Variants in ERMP1 observed in about 807,000 individuals in gnomAD.
ERMP1 encodes the protein endoplasmic reticulum metallopeptidase 1.
In ERMP1, 86 loss-of-function variants were observed where a neutral mutation model predicts 92.0. The observed-to-expected ratio is 0.93, with a 90% CI of 0.79 to 1.12. The LOEUF (loss-of-function observed/expected upper bound fraction) is 1.12. ERMP1 is among the 50% of genes most tolerant of loss of function. The pLI is 0.00. For missense variants in ERMP1, 1,342 were observed against 1,116.3 expected (o/e 1.20, Z -2.88); for synonymous variants, 530 against 412.8 (o/e 1.28, Z -3.44).
intron 13 of ERMP1, among the ~76,000 whole-genome samples, chr9:5,791,981 G>T (rs944648443): frequency 1.2e-4 from 18 of 152,124 alleles, no homozygotes; most frequent in African/African-American, 4.3e-4. Flanking sequence ...TCACTTAATT[G>T]GAAATGATGG....
At chr9:5,795,100 T>TAGA (rs1828360527) in intron 13 of ERMP1, among the ~76,000 whole-genome samples, 1 of 152,056 alleles carries the variant, frequency 6.6e-6, no homozygotes, top group African/African-American at 2.4e-5. Flanking sequence ...TACTTGAAAA[T>TAGA]CAATTAATGT....
intron 4 of ERMP1, among the ~76,000 whole-genome samples, chr9:5,816,989 C>A (rs1829335081): frequency 6.6e-6 from 1 of 151,624 alleles, no homozygotes; most frequent in Non-Finnish European, 1.5e-5. Flanking sequence ...AGCTCTGCCT[C>A]CCGGGTTCAC....
intron 4 of ERMP1, among the ~76,000 whole-genome samples, chr9:5,817,798 C>T (rs886208226): frequency 2.0e-5 from 3 of 151,980 alleles, no homozygotes; most frequent in Admixed American, 2.0e-4. Context: ...AGACCCACAG[C>T]ATCCTTCCAC....
At chr9:5,822,354 A>T (rs1370856618) in intron 4 of ERMP1, among the ~76,000 whole-genome samples, 1 of 152,208 alleles carries the variant, frequency 6.6e-6, no homozygotes, top group Non-Finnish European at 1.5e-5. Flanking sequence ...TAGTTAGAGT[A>T]AGAATAAAGC....
intron 11 of ERMP1, among the ~76,000 whole-genome samples, chr9:5,800,000 C>G (rs1389930588): frequency 6.6e-6 from 1 of 152,124 alleles, no homozygotes; most frequent in Non-Finnish European, 1.5e-5. Flanking sequence ...TTTTCAAAAC[C>G]TCCTAAGTGT....
intron 5 of ERMP1, among the ~76,000 whole-genome samples, chr9:5,863,467 C>T (rs1830561917): frequency 6.6e-6 from 1 of 152,146 alleles, no homozygotes; most frequent in South Asian, 2.1e-4. Context: ...ATGATAAGAA[C>T]CAGAGGGCAA....
chr9:5,859,406 C>T (rs10732361), intron 6 of ERMP1, among the ~76,000 whole-genome samples: 85,200 of 151,944 alleles, frequency 0.56, 25,024 homozygotes, highest in South Asian at 0.69. Flanking sequence ...TCCATAGTTT[C>T]AGATAAGTAA....
intron 3 of ERMP1, 76 bp downstream of exon 3, chr9:5,824,999 AAAAATGCATTTACTATT>A: frequency 7.6e-7 from 1 of 1,314,742 alleles, no homozygotes; most frequent in Non-Finnish European, 1.1e-6. Context: ...AGGAGTCATA[AAAAATGCATTTACTATT>A]TAGTAAATAA....
chr9:5,832,676 G>A lies in ERMP1; in HGVS notation c.338+14C>T, dbSNP rs997570450. 2.5e-5 allele frequency: 36 copies of A among 1,413,344 alleles called. No homozygotes were observed. Among genetic ancestry groups the A allele is most frequent in the Non-Finnish European group, 3.2e-5 (35 of 1,090,058 alleles). The allele number at this position is 1,413,344 out of a possible 1,614,324, so 87.6% of individuals were successfully genotyped here. ...ACGGACGCGCGGGCCGTGCCAGGAG[G>A]GAGCGGCCGGTACCTGGCTTGGAGC... On this transcript the variant is annotated intron_variant, in intron 1 of 14. Coordinates refer to ENST00000339450, the MANE Select transcript of ERMP1 (RefSeq NM_024896.3).
At chr9:5,798,704 G>C in intron 12 of ERMP1, 102 bp downstream of exon 12, 5 of 707,850 alleles carry the variant, frequency 7.1e-6, no homozygotes, top group Non-Finnish European at 1.2e-5. Flanking sequence ...AAACACCACT[G>C]AACTTGTATA....
chr9:5,813,033 G>C lies in ERMP1; in HGVS notation c.877C>G (p.Pro293Ala). Residue 293 changes from proline (P) to alanine (A), a missense_variant and splice_region_variant, in exon 5 of 15, where the codon CCT (proline) becomes GCT (alanine). Coordinates refer to ENST00000339450, the MANE Select transcript of ERMP1 (RefSeq NM_024896.3). ...GGKELVFQTG[P>A]ENPWLVQAYV... ...GCTTGAACCAACCAAGGATTTTCAG[G>C]ACCTAAAATGAAAGATGACAACACA... 6.2e-7 allele frequency: 1 copy of C among 1,613,726 alleles called. No homozygotes were observed. Among genetic ancestry groups the C allele is most frequent in the Non-Finnish European group, 8.5e-7 (1 of 1,179,836 alleles).
At chr9:5,811,077 G>A (rs1829072037) in intron 7 of ERMP1, 34 bp downstream of exon 7, 1 of 1,422,498 alleles carries the variant, frequency 7.0e-7, no homozygotes, top group African/African-American at 1.4e-5. Flanking sequence ...CTACAGCAAT[G>A]CCAGTATTTG....
At chr9:5,805,515 A>T (rs926133813) in intron 9 of ERMP1, 96 bp downstream of exon 9, 3 of 1,076,528 alleles carry the variant, frequency 2.8e-6, no homozygotes, top group African/African-American at 3.3e-5. Context: ...ACAATTTAGA[A>T]AGCCTACCCA....
At chr9:5,831,767 T>C (rs1224350727) in intron 1 of ERMP1, among the ~76,000 whole-genome samples, 1 of 152,136 alleles carries the variant, frequency 6.6e-6, no homozygotes, top group Non-Finnish European at 1.5e-5. Context: ...CGGGGGAAAC[T>C]TTTGATGGAC....
chr9:5,827,355 C>G (rs1468470930), intron 2 of ERMP1, among the ~76,000 whole-genome samples: 1 of 151,652 alleles, frequency 6.6e-6, no homozygotes, highest in Non-Finnish European at 1.5e-5. Context: ...CACTGATGAG[C>G]TAAAAAATAA....
In ERMP1 at chr9:5,787,110, C is replaced by T. The variant is rs1424860359; in HGVS notation, c.*34G>A. The T allele has an allele frequency of 6.3e-7, 1 of 1,582,986 alleles. No homozygotes were observed. The highest frequency in any genetic ancestry group is 8.6e-7 in the Non-Finnish European group (1 of 1,161,014). ...GGAGAAACCATGTCACATGGAGTATCCACTGGGCATGTACTTAGAGCTCAT... is the reference window on the plus strand; with the variant it reads ...GGAGAAACCATGTCACATGGAGTATTCACTGGGCATGTACTTAGAGCTCAT... On this transcript the variant is annotated 3_prime_UTR_variant, in exon 15 of 15. Coordinates refer to ENST00000339450, the MANE Select transcript of ERMP1 (RefSeq NM_024896.3).
chr9:5,814,650 G>T (rs1376677496), intron 4 of ERMP1, among the ~76,000 whole-genome samples: 2 of 152,050 alleles, frequency 1.3e-5, no homozygotes, highest in Admixed American at 1.3e-4. Context: ...GAATTGCTTA[G>T]ACCTGTGAGG....
At chr9:5,848,712 CTT>C (rs1336188182) in intron 6 of ERMP1, among the ~76,000 whole-genome samples, 1 of 151,986 alleles carries the variant, frequency 6.6e-6, no homozygotes, top group African/African-American at 2.4e-5. Flanking sequence ...AAAAATGCCT[CTT>C]GTTTGAAGGT....
At chr9:5,822,778 C>T (rs1195773500) in intron 4 of ERMP1, among the ~76,000 whole-genome samples, 2 of 152,116 alleles carry the variant, frequency 1.3e-5, no homozygotes, top group African/African-American at 2.4e-5. Flanking sequence ...AATCTATGAG[C>T]TCTGAATTTT....
Sources: gnomAD v4.1 joint callset for allele counts (sites outside exome capture counted in the v4.1 genomes callset) on GRCh38, gnomAD v4.1.1 for gene constraint, MANE v1.5 for transcripts, NCBI Gene and HGNC (gene_info 2026-07-23, HGNC 2026-07-21) for gene names.